Variants in DPF1 observed in about 807,000 individuals in gnomAD.
DPF1 encodes zinc finger protein neuro-d4.
Under a neutral mutation model 58.7 loss-of-function variants are expected in DPF1, and 14 were observed. The ratio of observed to expected loss-of-function variants is 0.24; its 90% CI spans 0.16 to 0.37. The LOEUF is 0.37. Ranked by LOEUF, DPF1 falls within the 10% of genes least tolerant of loss-of-function variation. The probability of loss-of-function intolerance (pLI) is 1.00; values close to 1 mark genes in which losing one functional copy is unlikely to be tolerated. For missense variants in DPF1, 345 were observed against 529.9 expected, an observed-to-expected ratio of 0.65 and a Z score of 3.43; for synonymous variants, 216 against 216.0, an observed-to-expected ratio of 1.00 and a Z score of 0.00.
At chr19:38,217,267 C>CAGGAGCGA (rs1181516394) in intron 7 of DPF1, 193 bp downstream of exon 7, 93 of 694,886 alleles carry the variant, frequency 1.3e-4, no homozygotes, top group Middle Eastern at 8.2e-4. Context: ...TACGCCCGGC[C>CAGGAGCGA]AGGAGCGAAG....
In DPF1 at chr19:38,217,586, C is replaced by G; in HGVS notation, c.601G>C (p.Gly201Arg). The change falls in exon 7 of 12, where the codon GGG becomes CGG. Residue 201 changes from glycine (G) to arginine (R), a missense_variant. Gly to Arg is a moderately radical substitution (Grantham distance 125). Transcript: ENST00000355526. ...RDKPYVCDIC[G>R]KRYKNRPGLS... is the part of the protein sequence containing the mutation. ...CCCGGCCGGTTCTTATACCGTTTCC[C>G]ACAGACTGGGGAGCGAGCGAGCCAG... 6.5e-7 allele frequency: 1 copy of G among 1,549,290 alleles called. No individual in the cohort carries two copies. The highest frequency in any genetic ancestry group is 2.0e-5 in the Admixed American group (1 of 50,878).
At chr19:38,221,496 C>A (rs568140021) in intron 3 of DPF1, among the ~76,000 whole-genome samples, 2 of 151,138 alleles carry the variant, frequency 1.3e-5, no homozygotes, top group African/African-American at 4.9e-5. Flanking sequence ...GCTGAGATTG[C>A]GCCACTGTAC....
intron 9 of DPF1, chr19:38,214,094 G>A: frequency 4.1e-6 from 1 of 243,142 alleles, no homozygotes. Flanking sequence ...TGCTGAGACA[G>A]CCACTTTCCA....
At chr19:38,218,885 G>C (rs1027267151) in intron 4 of DPF1, 46 bp downstream of exon 4, 2 of 1,608,796 alleles carry the variant, frequency 1.2e-6, no homozygotes, top group Non-Finnish European at 1.7e-6. Flanking sequence ...GGCAGGCAGG[G>C]GTGAGACGAA....
rs772001307 is a variant in DPF1, at chr19:38,222,528, G to A, written c.190+20C>T. 2.5e-6 allele frequency: 4 copies of A among 1,606,386 alleles called. No individual in the cohort carries two copies. The highest frequency in any genetic ancestry group is 4.5e-5 in the East Asian group (2 of 44,370). On this transcript the variant is annotated intron_variant, in intron 2 of 11. Coordinates refer to ENST00000355526, the MANE Select transcript of DPF1 (RefSeq NM_001135155.3). This position sits in a 1 kb window ranked among gnomAD's most constrained non-coding sequence, Gnocchi z 4.9. ...GCGGCCTGGCCCCGCCCCGCCCTGC[G>A]CCAGCCCTCCCGGCGGTACCCGGCC...
rs1207345071 is a variant in DPF1 at position 38,218,636 on chromosome 19, A to T, written c.453T>A (p.His151Gln). 1 of 1,614,066 alleles carries T rather than the reference A, an allele frequency of 6.2e-7. No homozygotes were observed. The highest frequency in any genetic ancestry group is 1.3e-5 in the African/African-American group (1 of 74,924). Residue 151 changes from histidine to glutamine, a missense_variant, in exon 5 of 12, where the codon CAT (histidine) becomes CAA (glutamine). By Grantham distance (24) the His-to-Gln change is conservative (BLOSUM62 0). Transcript: ENST00000355526. ...CCTCCAAGTCTTCCACCTCGAGGTC[A>T]TGCGGAAACTCCAGCAACTGCTGTT... ...CQKQQLLEFP[H>Q]DLEVEDLEDD...
At chr19:38,223,305 CAG>C (rs1600282836) in intron 1 of DPF1, 2 of 153,018 alleles carry the variant, frequency 1.3e-5, no homozygotes, top group East Asian at 3.9e-4. Flanking sequence ...TGTCAAAAGA[CAG>C]GAACTACAGA....
chr19:38,212,325 A>G lies in DPF1; in HGVS notation c.1048T>C (p.Tyr350His). 1 of 1,461,866 alleles carries G rather than the reference A, an allele frequency of 6.8e-7. No homozygotes were observed. Among genetic ancestry groups the G allele is most frequent in the South Asian group, 1.4e-5 (1 of 73,556 alleles). The allele number at this position is 1,461,866 out of a possible 1,614,324, so 90.6% of individuals were successfully genotyped here. A position where few individuals can be genotyped will look rare whatever the true frequency, so the allele number is the denominator to read the frequency against. ...GGGGGACTCAGGCAGTACATGTGGT[A>G]ACCCCGATCGCAGTCATCACAAAAC... Reference protein sequence around the residue: ...LLFCDDCDRGYHMYCLSPPMA... With the variant: ...LLFCDDCDRGHHMYCLSPPMA... Residue 350 changes from tyrosine (Y) to histidine (H), a missense_variant, in exon 11 of 12, where the codon TAC (tyrosine) becomes CAC (histidine). Tyr to His is a moderately conservative substitution (Grantham distance 83). Transcript: ENST00000355526.
Position 38,222,019 on chromosome 19 carries a change from G to A in DPF1, c.298+338C>T, listed in dbSNP as rs1967514352. Among the ~76,000 whole-genome samples the A allele has an allele frequency of 1.3e-5, 2 of 151,958 alleles. No homozygotes were observed. The highest frequency in any genetic ancestry group is 2.4e-5 in the African/African-American group (1 of 41,368). On this transcript the variant is annotated intron_variant, in intron 3 of 11. Transcript: ENST00000355526. The surrounding 1 kb of genome is among the most constrained non-coding windows in gnomAD (Gnocchi z 4.9). ...CTTGAACCTGCTAGGCGGAAGTTGCGGGTTCAAGGTTCAACTCCCCGCTAG... is the reference window on the plus strand; with the variant it reads ...CTTGAACCTGCTAGGCGGAAGTTGCAGGTTCAAGGTTCAACTCCCCGCTAG...
chr19:38,220,175 AAAAG>A lies in DPF1; in HGVS notation c.299-1121_299-1118del, dbSNP rs759839695. On this transcript the variant is annotated intron_variant, in intron 3 of 11. Transcript: ENST00000355526. The stretch of plus-strand genomic sequence containing the variant: ...TGCACTCCAAACTGGGTGAAAAAAA[AAAAG>A]AAAGGAAGAAGGAAGGAAGGAGGGA... Among the ~76,000 whole-genome samples, 344 of 151,468 alleles carry A rather than the reference AAAAG, an allele frequency of 2.3e-3. 1 individual carries two copies. Among genetic ancestry groups the A allele is most frequent in the African/African-American group, 7.0e-3 (289 of 41,258 alleles).
chr19:38,217,647 C>T (rs1351763789), intron 6 of DPF1, 56 bp from the exon 7 acceptor site: 17 of 1,528,056 alleles, frequency 1.1e-5, no homozygotes, highest in Middle Eastern at 3.8e-4. Context: ...CCTGCCGCCT[C>T]CACCCTGGCC....
intron 3 of DPF1, among the ~76,000 whole-genome samples, chr19:38,221,034 G>A (rs1354642103): frequency 6.6e-6 from 1 of 151,994 alleles, no homozygotes; most frequent in South Asian, 2.1e-4. Context: ...AGAAAGAGAC[G>A]GCCGCACCGC....
chr19:38,229,518 G>A lies in DPF1; in HGVS notation c.-132+41C>T. The stretch of plus-strand genomic sequence containing the variant: ...GCGGGCGGGGGAAGGGCTCCTGGTG[G>A]GGGGGTCTGGACAGGGGGCGGGGAC... On this transcript the variant is annotated intron_variant, in intron 1 of 11. Transcript: ENST00000412732. The surrounding 1 kb of genome is among the most constrained non-coding windows in gnomAD (Gnocchi z 5.3). The A allele has an allele frequency of 8.9e-7, 1 of 1,121,792 alleles. No individual in the cohort carries two copies. The highest frequency in any genetic ancestry group is 1.1e-6 in the Non-Finnish European group (1 of 904,728). The allele number at this position is 1,121,792 out of a possible 1,614,324, so 69.5% of individuals were successfully genotyped here.
chr19:38,225,180 GT>G (rs536508771), upstream of DPF1, among the ~76,000 whole-genome samples: 9 of 152,320 alleles, frequency 5.9e-5, no homozygotes, highest in South Asian at 1.9e-3. Context: ...GGAGGTGGAG[GT>G]TGCAGTGAGC....
chr19:38,219,210 C>T, intron 3 of DPF1, 152 bp from the exon 4 acceptor site: 1 of 1,127,332 alleles, frequency 8.9e-7, no homozygotes, highest in Non-Finnish European at 1.2e-6. Flanking sequence ...GGCCCAGACT[C>T]TGGGGAGACC....
At chr19:38,219,908 G>C (rs147113812) in intron 3 of DPF1, 2 of 152,090 alleles carry the variant, frequency 1.3e-5, no homozygotes, top group African/African-American at 4.8e-5. Flanking sequence ...GGCCAGGCGC[G>C]TTGGCTCACA....
chr19:38,212,448 G>C (rs1026868254), intron 10 of DPF1, 87 bp from the exon 11 acceptor site: 35 of 595,712 alleles, frequency 5.9e-5, no homozygotes, highest in Non-Finnish European at 9.6e-5. Context: ...GCTAGGTCAA[G>C]GGGGCTGGGG....
At position 38,216,408 on chromosome 19, in the gene DPF1, G is replaced by A; in HGVS notation, c.728-5C>T. 1 of 1,581,628 alleles carries A rather than the reference G, an allele frequency of 6.3e-7. No individual in the cohort carries two copies. Among genetic ancestry groups the A allele is most frequent in the East Asian group, 2.2e-5 (1 of 44,566 alleles). ...AGGCCAATTCTTTGTAAAACTCTGGGGTAGGGGGGACAGAGAGAGGGACTC... is the reference window on the plus strand; with the variant it reads ...AGGCCAATTCTTTGTAAAACTCTGGAGTAGGGGGGACAGAGAGAGGGACTC... On this transcript the variant is annotated splice_polypyrimidine_tract_variant and splice_region_variant and intron_variant, in intron 7 of 11. Transcript: ENST00000355526.
chr19:38,216,494 C>T, intron 7 of DPF1, 91 bp from the exon 8 acceptor site: 1 of 1,440,954 alleles, frequency 6.9e-7, no homozygotes, highest in Non-Finnish European at 9.2e-7. Context: ...ACCTCTTAGT[C>T]CAGGCGTGGG....
Sources: gnomAD v4.1 joint callset for allele counts (sites outside exome capture counted in the v4.1 genomes callset) on GRCh38, gnomAD v4.1.1 for gene constraint, Gnocchi (gnomAD v3.1) non-coding constraint, MANE v1.5 for transcripts, NCBI Gene and HGNC (gene_info 2026-07-23, HGNC 2026-07-21) for gene names.